The following RFX2 variants were observed in gnomAD, a reference collection of about 807,000 sequenced individuals.
The protein encoded by RFX2 is DNA-binding protein RFX2.
RFX2 carries 20 observed loss-of-function variants against 87.8 expected under a neutral mutation model. That is an observed-to-expected ratio of 0.23 (90% CI 0.16 to 0.33). The LOEUF (loss-of-function observed/expected upper bound fraction) is 0.33, where lower values mean the gene tolerates loss of function less well. RFX2 is among the 10% of genes least tolerant of loss of function. The pLI, the probability that RFX2 is intolerant of heterozygous loss-of-function variation, is 1.00. For missense variants in RFX2, 767 were observed against 1,012.3 expected, an observed-to-expected ratio of 0.76 and a Z score of 3.29; for synonymous variants, 397 against 431.3, an observed-to-expected ratio of 0.92 and a Z score of 0.98.
chr19:6,070,227 A>G (rs1220774106), intron 1 of RFX2, among the ~76,000 whole-genome samples: 1 of 97,238 alleles, frequency 1.0e-5, no homozygotes. Context: ...ATGGGATGGG[A>G]TGGGATGGGA....
rs565924810 is a variant in RFX2, at chr19:6,017,673, G to C, written c.598-1402C>G. On this transcript the variant is annotated intron_variant, in intron 6 of 17. Transcript: ENST00000303657. This position sits in a 1 kb window ranked among gnomAD's most constrained non-coding sequence, Gnocchi z 4.1. ...TTGTCTAGGCTGAGCCCCGCTTCCA[G>C]AGCTCCGAAGGGCTCCTGCTGCCTG... Among the ~76,000 whole-genome samples, 10 of 152,138 alleles carry C rather than the reference G, an allele frequency of 6.6e-5. No individual in the cohort carries two copies. The highest frequency in any genetic ancestry group is 5.2e-4 in the Admixed American group (8 of 15,278).
At position 6,004,388 on chromosome 19, in the gene RFX2, C is replaced by T. The variant is rs1030535022; in HGVS notation, c.1403-90G>A. ...TTCAGTGTAAGAGCTGGCCCAAGTG[C>T]GATGAAAATGACCACCATGAAGAAC... On this transcript the variant is annotated intron_variant, in intron 12 of 17. Coordinates refer to ENST00000303657, the MANE Select transcript of RFX2 (RefSeq NM_000635.4). This position sits in a 1 kb window ranked among gnomAD's most constrained non-coding sequence, Gnocchi z 4.8. 54 of 1,071,000 alleles carry T rather than the reference C, an allele frequency of 5.0e-5. No individual in the cohort carries two copies. The highest frequency in any genetic ancestry group is 6.8e-5 in the Non-Finnish European group (47 of 691,734). The allele number at this position is 1,071,000 out of a possible 1,614,324, so 66.3% of individuals were successfully genotyped here.
rs2087422547 is a variant in RFX2 at position 6,061,073 on chromosome 19, G to A, written c.-8-13569C>T. ...CACTGGGCATCTCCCTGCGCCCCGG[G>A]ACACGTGTCGCTGGTGACTCAGCCT... On this transcript the variant is annotated intron_variant, in intron 1 of 17. Transcript: ENST00000303657. The surrounding 1 kb of genome is among the most constrained non-coding windows in gnomAD (Gnocchi z 5.2). 6.6e-6 allele frequency among the ~76,000 whole-genome samples: 1 copy of A among 152,076 alleles called. No individual in the cohort carries two copies. The highest frequency in any genetic ancestry group is 2.4e-5 in the African/African-American group (1 of 41,412).
intron 1 of RFX2, among the ~76,000 whole-genome samples, chr19:6,085,935 T>A (rs1313293521): frequency 6.6e-6 from 1 of 151,666 alleles, no homozygotes; most frequent in Non-Finnish European, 1.5e-5. Context: ...CTATAAAAAA[T>A]TTAAAAATTA....
At chr19:5,995,058 G>C (rs1187380650) in intron 17 of RFX2, 108 bp from the exon 18 acceptor site, 3 of 850,848 alleles carry the variant, frequency 3.5e-6, no homozygotes, top group African/African-American at 1.7e-5. Context: ...AGGGCACCGA[G>C]GATACATGGC....
At chr19:6,038,340 A>AC (rs1049996897) in intron 5 of RFX2, among the ~76,000 whole-genome samples, 4 of 136,422 alleles carry the variant, frequency 2.9e-5, no homozygotes, top group East Asian at 2.8e-4. Flanking sequence ...AAAAAAAAAA[A>AC]AAAAAAAAAA....
At chr19:6,105,791 C>A (rs1239727061) in intron 1 of RFX2, among the ~76,000 whole-genome samples, 1 of 151,858 alleles carries the variant, frequency 6.6e-6, no homozygotes, top group Non-Finnish European at 1.5e-5. Context: ...CAAGGACAGT[C>A]CTGAGGTTTG....
rs1304142093 is a variant in RFX2, at chr19:6,027,318, G to A, written c.523-1081C>T. 6.6e-6 allele frequency: 1 copy of A among 152,192 alleles called. No individual in the cohort carries two copies. Among genetic ancestry groups the A allele is most frequent in the Non-Finnish European group, 1.5e-5 (1 of 68,042 alleles). The allele number at this position is 152,192 out of a possible 1,614,324, so 9.4% of individuals were successfully genotyped here. ...TTAGCTACCCTTGCTTCAAGCCAAG[G>A]AGGACGTCAGGGTCACCTTTAAGAA... On this transcript the variant is annotated intron_variant, in intron 5 of 17. Coordinates refer to ENST00000303657, the MANE Select transcript of RFX2 (RefSeq NM_000635.4). This position sits in a 1 kb window ranked among gnomAD's most constrained non-coding sequence, Gnocchi z 5.0.
intron 6 of RFX2, among the ~76,000 whole-genome samples, chr19:6,018,709 G>A (rs113101896): frequency 0.017 from 2,574 of 152,352 alleles, 82 homozygotes; most frequent in African/African-American, 0.059. Flanking sequence ...CACTGCCCAC[G>A]TGGGTGTTGA....
At chr19:6,009,887 GATTTT>G (rs369200775) in intron 9 of RFX2, among the ~76,000 whole-genome samples, 142 of 152,296 alleles carry the variant, frequency 9.3e-4, no homozygotes, top group Middle Eastern at 3.4e-3. Flanking sequence ...ATGGTCATTT[GATTTT>G]ATTTTCTCAT....
chr19:6,061,440 T>C lies in RFX2; in HGVS notation c.-8-13936A>G, dbSNP rs2087428910. The stretch of plus-strand genomic sequence containing the variant: ...TCTGCTGTCTGTAGGATCCCTTCTT[T>C]AGAGGGTTGGAGCCTACCCTTCACA... On this transcript the variant is annotated intron_variant, in intron 1 of 17. Coordinates refer to ENST00000303657, the MANE Select transcript of RFX2 (RefSeq NM_000635.4). The surrounding 1 kb of genome is among the most constrained non-coding windows in gnomAD (Gnocchi z 5.2). Among the ~76,000 whole-genome samples, 2 of 152,198 alleles carry C rather than the reference T, an allele frequency of 1.3e-5. No homozygotes were observed. Among genetic ancestry groups the C allele is most frequent in the South Asian group, 4.1e-4 (2 of 4,836 alleles).
At chr19:6,032,403 T>C (rs1376797545) in intron 5 of RFX2, among the ~76,000 whole-genome samples, 1 of 152,170 alleles carries the variant, frequency 6.6e-6, no homozygotes, top group African/African-American at 2.4e-5. Flanking sequence ...GTGCTGGGAT[T>C]ACAGGCGTGA....
intron 6 of RFX2, among the ~76,000 whole-genome samples, chr19:6,018,060 C>G (rs1157949944): frequency 6.6e-6 from 1 of 152,144 alleles, no homozygotes; most frequent in East Asian, 1.9e-4. Flanking sequence ...ACTGCAACCT[C>G]CACTTCCAGG....
chr19:5,997,212 A>C lies in RFX2; in HGVS notation c.1861T>G (p.Ser621Ala), dbSNP rs779567495. 1 of 1,609,942 alleles carries C rather than the reference A, an allele frequency of 6.2e-7. No homozygotes were observed. The highest frequency in any genetic ancestry group is 2.2e-5 in the East Asian group (1 of 44,860). Residue 621 changes from serine to alanine, a missense_variant and splice_region_variant, in exon 16 of 18, where the codon TCC becomes GCC. Physicochemically the swap from Ser to Ala is moderately conservative, Grantham distance 99. This residue lies in a region of RFX2 where 621 missense variants were observed against 873.0 expected (regional missense o/e 0.71). Transcript: ENST00000303657. This position sits in a 1 kb window ranked among gnomAD's most constrained non-coding sequence, Gnocchi z 4.2. ...AGGGTCAGGTCCCGGATCACCATGG[A>C]GCTGGGGACAAGCGGACAGAGGCTG... ...QFLLKWSFYS[S>A]MVIRDLTLRS... is the part of the protein sequence containing the mutation.
At position 6,013,997 on chromosome 19, in the gene RFX2, T is replaced by G. The variant is rs2086692770; in HGVS notation, c.780-892A>C. Among the ~76,000 whole-genome samples, 1 of 152,144 alleles carries G rather than the reference T, an allele frequency of 6.6e-6. No individual in the cohort carries two copies. The highest frequency in any genetic ancestry group is 2.1e-4 in the South Asian group (1 of 4,828). ...CCCCCTTCAATCATCTAGTAACACG[T>G]TTTGGAATAAGGCACTGTTTGGGAA... On this transcript the variant is annotated intron_variant, in intron 7 of 17. Coordinates refer to ENST00000303657, the MANE Select transcript of RFX2 (RefSeq NM_000635.4). The surrounding 1 kb of genome is among the most constrained non-coding windows in gnomAD (Gnocchi z 4.1).
At chr19:6,106,814 AT>A (rs1368920843) in intron 1 of RFX2, among the ~76,000 whole-genome samples, 1 of 148,004 alleles carries the variant, frequency 6.8e-6, no homozygotes, top group Non-Finnish European at 1.5e-5. Context: ...TTATATTTAA[AT>A]TTTATTATAT....
At chr19:6,088,457 C>T (rs556691469) in intron 1 of RFX2, among the ~76,000 whole-genome samples, 4 of 152,086 alleles carry the variant, frequency 2.6e-5, no homozygotes, top group Admixed American at 6.5e-5. Flanking sequence ...GTGATCCACC[C>T]GCCTCAGCCT....
At chr19:6,006,923 GAGGTGGCTGAAGACGT>G in intron 12 of RFX2, 73 bp downstream of exon 12, 1 of 1,462,176 alleles carries the variant, frequency 6.8e-7, no homozygotes, top group South Asian at 1.2e-5. Flanking sequence ...GCGATGGTCT[GAGGTGGCTGAAGACGT>G]ACATGTAAGA....
At chr19:6,062,767 A>C (rs2087455313) in intron 1 of RFX2, among the ~76,000 whole-genome samples, 1 of 152,128 alleles carries the variant, frequency 6.6e-6, no homozygotes, top group African/African-American at 2.4e-5. Context: ...TCCAGTTGAG[A>C]AGTAAGTGCT....
Sources: allele counts gnomAD v4.1 joint callset (sites outside exome capture counted in the v4.1 genomes callset), GRCh38; gene constraint gnomAD v4.1.1; regional missense constraint gnomAD v4.1.1; non-coding constraint Gnocchi (gnomAD v3.1); transcripts MANE v1.5; gene names NCBI Gene and HGNC (gene_info 2026-07-23, HGNC 2026-07-21).